HMGCLL1: variants seen among roughly 807,000 people sequenced by gnomAD.
HMGCLL1 encodes the protein 3-hydroxy-3-methylglutaryl-CoA lyase like 1.
In HMGCLL1, 36 loss-of-function variants were observed where a neutral mutation model predicts 39.1. The ratio of observed to expected loss-of-function variants is 0.92; its 90% CI spans 0.71 to 1.22. The LOEUF (loss-of-function observed/expected upper bound fraction) is 1.22, where lower values mean the gene tolerates loss of function less well. HMGCLL1 is among the 50% of genes most tolerant of loss of function. HMGCLL1 has a pLI of 0.00. For missense variants in HMGCLL1, 451 were observed against 416.5 expected, an observed-to-expected ratio of 1.08 and a Z score of -0.72; for synonymous variants, 149 against 144.0, an observed-to-expected ratio of 1.03 and a Z score of -0.25.
At chr6:55,627,889 A>ATATAAGTATAT in the HMGCLL1 span, among the ~76,000 whole-genome samples, 2 of 31,014 alleles carry the variant, frequency 6.4e-5, 1 homozygote, top group Non-Finnish European at 1.2e-4. Flanking sequence ...CCTTATATAT[A>ATATAAGTATAT]TATATATATA....
intron 7 of HMGCLL1, among the ~76,000 whole-genome samples, chr6:55,451,712 A>T (rs1764093102): frequency 6.6e-6 from 1 of 152,194 alleles, no homozygotes; most frequent in South Asian, 2.1e-4. Flanking sequence ...TCCAAGGTAG[A>T]TGTTAGTGGG....
At chr6:55,463,172 G>A (rs1581808504) in intron 7 of HMGCLL1, among the ~76,000 whole-genome samples, 1 of 151,778 alleles carries the variant, frequency 6.6e-6, no homozygotes, top group African/African-American at 2.4e-5. Flanking sequence ...CTGGACTACA[G>A]GCACATGCCA....
At chr6:55,525,592 T>C (rs1053207057) in intron 3 of HMGCLL1, among the ~76,000 whole-genome samples, 8 of 151,946 alleles carry the variant, frequency 5.3e-5, no homozygotes, top group Non-Finnish European at 1.2e-4. Flanking sequence ...ACCGACTCAG[T>C]ATGTGTCATT....
chr6:55,453,129 C>A (rs900939071), intron 7 of HMGCLL1, among the ~76,000 whole-genome samples: 9 of 152,084 alleles, frequency 5.9e-5, no homozygotes, highest in Non-Finnish European at 1.2e-4. Flanking sequence ...ATACGATGAA[C>A]ATGCCAAGCA....
chr6:55,475,642 A>G (rs534678709), intron 7 of HMGCLL1, among the ~76,000 whole-genome samples: 17 of 151,732 alleles, frequency 1.1e-4, no homozygotes, highest in Non-Finnish European at 2.2e-4. Flanking sequence ...TATGAGCAGA[A>G]AATCCTAATT....
chr6:55,575,916 T>A (rs554056032), intron 1 of HMGCLL1, among the ~76,000 whole-genome samples: 1 of 152,298 alleles, frequency 6.6e-6, no homozygotes, highest in East Asian at 1.9e-4. Flanking sequence ...GAACAAATGC[T>A]AAGAAGAAGT....
At chr6:55,608,556 T>C in the HMGCLL1 span, among the ~76,000 whole-genome samples, 41 of 152,172 alleles carry the variant, frequency 2.7e-4, no homozygotes, top group Non-Finnish European at 4.6e-4. Context: ...CAGTTAAAAA[T>C]AGCAGCAAAA....
intron 1 of HMGCLL1, among the ~76,000 whole-genome samples, chr6:55,548,405 A>G (rs1770115114): frequency 6.6e-6 from 1 of 152,190 alleles, no homozygotes; most frequent in East Asian, 1.9e-4. Context: ...TCCTGGAAAT[A>G]TATACATTAT....
intron 7 of HMGCLL1, among the ~76,000 whole-genome samples, chr6:55,462,039 T>C (rs1277927156): frequency 3.3e-5 from 5 of 152,134 alleles, no homozygotes; most frequent in Non-Finnish European, 7.4e-5. Context: ...CACCAAACAA[T>C]CTTTCCAGAC....
chr6:55,534,842 C>T (rs9370437), intron 3 of HMGCLL1, among the ~76,000 whole-genome samples: 11,377 of 152,276 alleles, frequency 0.075, 515 homozygotes, highest in East Asian at 0.19. Context: ...AATTTACTAA[C>T]GCTCAAGGAT....
intron 3 of HMGCLL1, among the ~76,000 whole-genome samples, chr6:55,528,802 A>C (rs1310342577): frequency 6.6e-6 from 1 of 151,904 alleles, no homozygotes; most frequent in African/African-American, 2.4e-5. Flanking sequence ...TGTACTAAGG[A>C]CCTCTGTACT....
the HMGCLL1 span, among the ~76,000 whole-genome samples, chr6:55,669,141 A>G: frequency 6.6e-6 from 1 of 151,588 alleles, no homozygotes; most frequent in African/African-American, 2.4e-5. Context: ...GAAATGTTTT[A>G]TTAATTCCTG....
intron 7 of HMGCLL1, among the ~76,000 whole-genome samples, chr6:55,471,986 G>A (rs1186019783): frequency 6.6e-6 from 1 of 151,640 alleles, no homozygotes; most frequent in Non-Finnish European, 1.5e-5. Context: ...CAACCATGTT[G>A]TATGTAGCAG....
chr6:55,470,743 G>T (rs1234971805), intron 7 of HMGCLL1, among the ~76,000 whole-genome samples: 1 of 151,758 alleles, frequency 6.6e-6, no homozygotes, highest in East Asian at 1.9e-4. Context: ...TCACAGTGCT[G>T]TATGGCTGGA....
At chr6:55,491,498 C>G (rs1766309254) in intron 7 of HMGCLL1, among the ~76,000 whole-genome samples, 1 of 152,148 alleles carries the variant, frequency 6.6e-6, no homozygotes, top group African/African-American at 2.4e-5. Context: ...AAAAAGGGCA[C>G]ATAGTACTTC....
At position 55,540,003 on chromosome 6, in the gene HMGCLL1, AGGGAGGGAGGG is replaced by A. The variant is rs1390850421; in HGVS notation, c.297+1715_297+1725del. Among the ~76,000 whole-genome samples the A allele has an allele frequency of 5.4e-3, 35 of 6,532 alleles. 1 individual carries two copies. Among genetic ancestry groups the A allele is most frequent in the African/African-American group, 0.017 (33 of 1,976 alleles). The allele number at this position is 6,532 out of a possible 152,430, so 4.3% of individuals were successfully genotyped here. On this transcript the variant is annotated intron_variant, in intron 3 of 8. Transcript: ENST00000274901. ...AAGGAAGGAAGGAAGGAAGGGAGGG[AGGGAGGGAGGG>A]AGGGAGGGAGGGAGGGAGGGAGGGA...
At chr6:55,543,472 TATATA>T (rs201682393) in intron 1 of HMGCLL1, among the ~76,000 whole-genome samples, 10,781 of 27,068 alleles carry the variant, frequency 0.4, 804 homozygotes, top group East Asian at 0.53. Context: ...ATATATATCA[TATATA>T]ATATATATAT....
At chr6:55,640,106 G>C in the HMGCLL1 span, among the ~76,000 whole-genome samples, 2 of 151,718 alleles carry the variant, frequency 1.3e-5, no homozygotes, top group African/African-American at 4.8e-5. Context: ...GAAAGATTAA[G>C]AAAAAGGGAA....
chr6:55,521,363 A>G (rs986456631), intron 3 of HMGCLL1, among the ~76,000 whole-genome samples: 2 of 152,088 alleles, frequency 1.3e-5, no homozygotes, highest in African/African-American at 4.8e-5. Context: ...AATAGGCTAC[A>G]GCAGACCTAG....
Sources: gnomAD v4.1 joint callset for allele counts (sites outside exome capture counted in the v4.1 genomes callset) on GRCh38, gnomAD v4.1.1 for gene constraint, MANE v1.5 for transcripts, NCBI Gene and HGNC (gene_info 2026-07-23, HGNC 2026-07-21) for gene names.